Variants in ASTN2 observed in about 807,000 individuals in gnomAD.
ASTN2 encodes astrotactin-2.
Under a neutral mutation model 139.8 loss-of-function variants are expected in ASTN2, and 54 were observed. The ratio of observed to expected loss-of-function variants is 0.39; its 90% CI spans 0.31 to 0.48. ASTN2 has a LOEUF of 0.48. ASTN2 is among the 20% of genes least tolerant of loss of function. The pLI is 0.95. For missense variants in ASTN2, 1,565 were observed against 1,725.1 expected (o/e 0.91, Z 1.64); for synonymous variants, 756 against 719.5 (o/e 1.05, Z -0.81).
intron 16 of ASTN2, 50 bp downstream of exon 16, chr9:116,725,721 G>A (rs1828601681): frequency 6.4e-7 from 1 of 1,574,276 alleles, no homozygotes; most frequent in Non-Finnish European, 8.6e-7. Flanking sequence ...CAGACCCCTT[G>A]CCTCTATAGC....
intron 13 of ASTN2, among the ~76,000 whole-genome samples, chr9:116,790,909 A>C (rs1436254888): frequency 7.1e-6 from 1 of 141,434 alleles, no homozygotes; most frequent in East Asian, 2.0e-4. Flanking sequence ...GAAAGAAAGA[A>C]AGAGAAAGAA....
chr9:117,383,297 T>C (rs1447547431), intron 1 of ASTN2, among the ~76,000 whole-genome samples: 1 of 152,190 alleles, frequency 6.6e-6, no homozygotes, highest in Non-Finnish European at 1.5e-5. Flanking sequence ...TATCCATTTA[T>C]AGCAGGTCAA....
At chr9:116,975,130 G>C in intron 10 of ASTN2, 78 bp downstream of exon 10, 1 of 1,419,070 alleles carries the variant, frequency 7.0e-7, no homozygotes, top group Non-Finnish European at 9.4e-7. Context: ...CTCCTTAGGG[G>C]TTCCTGTGGT....
chr9:117,387,530 G>A (rs546200010), intron 1 of ASTN2, among the ~76,000 whole-genome samples: 12 of 152,260 alleles, frequency 7.9e-5, no homozygotes, highest in Middle Eastern at 3.4e-3. Flanking sequence ...GAGGCAAGAT[G>A]TTTCCAGGAA....
At chr9:117,323,867 A>G (rs1244545791) in intron 1 of ASTN2, among the ~76,000 whole-genome samples, 1 of 152,170 alleles carries the variant, frequency 6.6e-6, no homozygotes, top group Non-Finnish European at 1.5e-5. Context: ...CTCAGAGTAA[A>G]ACTGAGTTAA....
intron 10 of ASTN2, among the ~76,000 whole-genome samples, 178 bp from the exon 11 acceptor site, chr9:116,863,911 G>T (rs944935012): frequency 2.0e-5 from 3 of 152,172 alleles, no homozygotes; most frequent in Non-Finnish European, 4.4e-5. Context: ...CACGGTGCTT[G>T]TCAAGTTGTG....
At chr9:116,791,023 G>GAA in intron 13 of ASTN2, among the ~76,000 whole-genome samples, 1 of 126,854 alleles carries the variant, frequency 7.9e-6, no homozygotes, top group Middle Eastern at 3.9e-3. Flanking sequence ...AAGAAAGAAA[G>GAA]AAAGAAAGAA....
In ASTN2 at chr9:116,854,294, T is replaced by C. The variant is rs114134944; in HGVS notation, c.2040+9289A>G. Among the ~76,000 whole-genome samples the C allele has an allele frequency of 6.1e-3, 924 of 152,330 alleles. 8 individuals are homozygous for C. The highest frequency in any genetic ancestry group is 0.021 in the African/African-American group (869 of 41,580). On this transcript the variant is annotated intron_variant, in intron 11 of 22. Transcript: ENST00000313400. ...AATAATAGCAACCATGTTTTGTGCC[T>C]GCTTAGGGCCATGTTCTAGCCCATT... is the stretch of plus-strand genomic sequence containing the variant.
intron 13 of ASTN2, among the ~76,000 whole-genome samples, chr9:116,769,029 G>A (rs1829888174): frequency 6.6e-6 from 1 of 152,152 alleles, no homozygotes; most frequent in African/African-American, 2.4e-5. Flanking sequence ...TATAAAGAAA[G>A]ACCCAGGCTG....
chr9:116,459,896 C>T (rs1453015905), intron 20 of ASTN2, among the ~76,000 whole-genome samples: 7 of 152,040 alleles, frequency 4.6e-5, no homozygotes, highest in Non-Finnish European at 1.0e-4. Context: ...CAATTCCATT[C>T]CAAGCTATCT....
intron 7 of ASTN2, among the ~76,000 whole-genome samples, chr9:117,006,276 T>A (rs1358703539): frequency 6.6e-6 from 1 of 152,114 alleles, no homozygotes; most frequent in Non-Finnish European, 1.5e-5. Flanking sequence ...TTAGTAGTCA[T>A]CTTGAACTTA....
intron 16 of ASTN2, among the ~76,000 whole-genome samples, chr9:116,711,923 C>T (rs1828174710): frequency 6.6e-6 from 1 of 152,142 alleles, no homozygotes; most frequent in Non-Finnish European, 1.5e-5. Context: ...ATACTTCCTC[C>T]CATCCCAAGT....
intron 6 of ASTN2, among the ~76,000 whole-genome samples, chr9:117,021,479 C>T (rs972683715): frequency 6.6e-6 from 1 of 152,110 alleles, no homozygotes; most frequent in African/African-American, 2.4e-5. Flanking sequence ...TGCGCAGAGA[C>T]CCTATAAAAG....
intron 16 of ASTN2, among the ~76,000 whole-genome samples, chr9:116,695,449 CA>C (rs1860795945): frequency 6.6e-6 from 1 of 152,186 alleles, no homozygotes; most frequent in Admixed American, 6.5e-5. Flanking sequence ...TGTCAGATTG[CA>C]TTCCAAAGCT....
intron 2 of ASTN2, among the ~76,000 whole-genome samples, chr9:117,257,713 T>C (rs964035264): frequency 2.0e-5 from 3 of 152,182 alleles, no homozygotes; most frequent in Non-Finnish European, 2.9e-5. Flanking sequence ...ACTGTCAAGC[T>C]GGGGAAATGA....
chr9:117,257,277 G>A (rs1335414), intron 2 of ASTN2, among the ~76,000 whole-genome samples: 55,638 of 152,056 alleles, frequency 0.37, 12,309 homozygotes, highest in Admixed American at 0.54. Context: ...CACTGACTTC[G>A]GGGCTGCATG....
intron 16 of ASTN2, among the ~76,000 whole-genome samples, chr9:116,685,341 C>A (rs1282998456): frequency 2.0e-5 from 3 of 152,166 alleles, no homozygotes; most frequent in African/African-American, 7.2e-5. Flanking sequence ...AATCTCTGTT[C>A]CCCAAATGCT....
At chr9:116,611,576 C>T (rs937203402) in intron 19 of ASTN2, 26 of 151,976 alleles carry the variant, frequency 1.7e-4, no homozygotes, top group Admixed American at 6.6e-5. Flanking sequence ...ACTAATATCA[C>T]TATAATCTCA....
intron 13 of ASTN2, among the ~76,000 whole-genome samples, chr9:116,740,081 G>C (rs575624932): frequency 2.0e-5 from 3 of 152,232 alleles, no homozygotes; most frequent in Non-Finnish European, 4.4e-5. Context: ...AGTGGGACCA[G>C]ATGAGAAAAG....
Sources: gnomAD v4.1 joint callset for allele counts (sites outside exome capture counted in the v4.1 genomes callset) on GRCh38, gnomAD v4.1.1 for gene constraint, MANE v1.5 for transcripts, NCBI Gene and HGNC (gene_info 2026-07-23, HGNC 2026-07-21) for gene names.